The following TFEC variants were observed in gnomAD, a reference collection of about 807,000 sequenced individuals.
TFEC encodes the protein class E basic helix-loop-helix protein 34.
In TFEC, 31 loss-of-function variants were observed where a neutral mutation model predicts 41.6. The ratio of observed to expected loss-of-function variants is 0.74; its 90% CI spans 0.56 to 1.01. The LOEUF (loss-of-function observed/expected upper bound fraction) is 1.01, where lower values mean the gene tolerates loss of function less well. TFEC is among the 50% of genes least tolerant of loss of function. The pLI, the probability that TFEC is intolerant of heterozygous loss-of-function variation, is 0.00. For missense variants in TFEC, 402 were observed against 404.1 expected (o/e 0.99, Z 0.04); for synonymous variants, 143 against 140.6 (o/e 1.02, Z -0.12).
intron 1 of TFEC, among the ~76,000 whole-genome samples, chr7:116,127,317 T>A (rs1206520154): frequency 1.3e-5 from 2 of 152,100 alleles, no homozygotes; most frequent in Non-Finnish European, 2.9e-5. Context: ...TCTCCTGACC[T>A]CGTAATCCCC....
chr7:115,974,409 TA>T (rs1562903678), intron 2 of TFEC, among the ~76,000 whole-genome samples, 153 bp from the exon 3 acceptor site: 1 of 26,008 alleles, frequency 3.8e-5, no homozygotes, highest in South Asian at 9.8e-4. Flanking sequence ...CTCAATATTA[TA>T]TATATATATA....
chr7:115,962,730 A>G (rs1584595327), intron 3 of TFEC, among the ~76,000 whole-genome samples: 1 of 151,930 alleles, frequency 6.6e-6, no homozygotes, highest in East Asian at 1.9e-4. Flanking sequence ...AAAAATCTAT[A>G]AAACAACCCT....
chr7:116,103,574 A>T (rs1359045645), intron 3 of TFEC, among the ~76,000 whole-genome samples: 1 of 152,176 alleles, frequency 6.6e-6, no homozygotes, highest in African/African-American at 2.4e-5. Context: ...TATTAATATT[A>T]AAATGTAATG....
intron 3 of TFEC, among the ~76,000 whole-genome samples, chr7:116,074,808 A>C (rs781328509): frequency 7.2e-5 from 11 of 152,206 alleles, no homozygotes; most frequent in Non-Finnish European, 1.6e-4. Flanking sequence ...TCATACAAAA[A>C]CTTCTACACA....
At chr7:116,149,343 C>G (rs772780539) in intron 1 of TFEC, among the ~76,000 whole-genome samples, 2 of 151,964 alleles carry the variant, frequency 1.3e-5, no homozygotes, top group African/African-American at 2.4e-5. Flanking sequence ...CAAGTTTACA[C>G]CAATAAATTT....
At chr7:115,970,949 G>A (rs1197261893) in intron 3 of TFEC, among the ~76,000 whole-genome samples, 1 of 151,972 alleles carries the variant, frequency 6.6e-6, no homozygotes, top group East Asian at 1.9e-4. Context: ...TTCCTTTATG[G>A]AAATGTAAAA....
At chr7:115,988,277 G>T (rs1406727059) in intron 1 of TFEC, among the ~76,000 whole-genome samples, 1 of 151,904 alleles carries the variant, frequency 6.6e-6, no homozygotes, top group Non-Finnish European at 1.5e-5. Flanking sequence ...ATCAGACCAG[G>T]ATGAATTTTT....
intron 2 of TFEC, among the ~76,000 whole-genome samples, chr7:115,981,415 T>G (rs1339220779): frequency 2.0e-5 from 3 of 152,198 alleles, no homozygotes; most frequent in Middle Eastern, 3.4e-3. Flanking sequence ...CCACATTACT[T>G]AAAGTATCAC....
In TFEC at chr7:115,940,796, C is replaced by A. The variant is rs1562873421; in HGVS notation, c.799G>T (p.Val267Leu). 1.2e-6 allele frequency: 2 copies of A among 1,613,490 alleles called. No homozygotes were observed. Residue 267 changes from valine (V) to leucine (L), a missense_variant, in exon 8 of 8, where the codon GTG (valine) becomes TTG (leucine). Coordinates refer to ENST00000265440, the MANE Select transcript of TFEC (RefSeq NM_012252.4). ...NSVDYCQQLT[V>L]SQGPSPELCD... ...AGCTCAGGGCTTGGCCCCTGAGACACAGTCAGTTGTTGGCAATAGTCTACT... is the reference window on the plus strand; with the variant it reads ...AGCTCAGGGCTTGGCCCCTGAGACAAAGTCAGTTGTTGGCAATAGTCTACT...
chr7:116,016,536 C>T (rs185717598), intron 1 of TFEC, among the ~76,000 whole-genome samples: 2 of 152,224 alleles, frequency 1.3e-5, no homozygotes, highest in East Asian at 1.9e-4. Flanking sequence ...AGCACCTCCT[C>T]CTCCCTCTAT....
At chr7:115,982,458 G>C (rs1004843778) in intron 2 of TFEC, among the ~76,000 whole-genome samples, 21 of 152,264 alleles carry the variant, frequency 1.4e-4, no homozygotes, top group Admixed American at 1.2e-3. Flanking sequence ...CGACAACACA[G>C]GGTATATCCT....
At chr7:116,041,669 C>T (rs1796040271) in intron 3 of TFEC, among the ~76,000 whole-genome samples, 1 of 152,132 alleles carries the variant, frequency 6.6e-6, no homozygotes, top group Admixed American at 6.5e-5. Context: ...TTGCTAATCA[C>T]GTAGAAAACT....
At chr7:115,986,577 A>G (rs1185220199) in intron 1 of TFEC, among the ~76,000 whole-genome samples, 3 of 152,072 alleles carry the variant, frequency 2.0e-5, no homozygotes, top group Non-Finnish European at 4.4e-5. Context: ...CAGCTGTTGG[A>G]AGGAGAGATA....
At chr7:115,994,724 T>C (rs1486797602) in intron 1 of TFEC, among the ~76,000 whole-genome samples, 15 of 152,016 alleles carry the variant, frequency 9.9e-5, no homozygotes, top group Non-Finnish European at 1.6e-4. Flanking sequence ...TGTGGAGAAA[T>C]AGGAACACTT....
chr7:116,052,965 G>A (rs1024612062), intron 3 of TFEC, among the ~76,000 whole-genome samples: 4 of 151,870 alleles, frequency 2.6e-5, no homozygotes, highest in African/African-American at 7.2e-5. Flanking sequence ...CCAGCTACTC[G>A]GGAGGCTGAG....
chr7:116,155,363 A>G (rs765980424), intron 1 of TFEC, among the ~76,000 whole-genome samples: 1 of 152,202 alleles, frequency 6.6e-6, no homozygotes, highest in Non-Finnish European at 1.5e-5. Flanking sequence ...TCGAAGGACT[A>G]TTTTACAAAA....
intron 3 of TFEC, among the ~76,000 whole-genome samples, chr7:115,973,390 TA>T (rs1384302697): frequency 2.6e-5 from 4 of 152,032 alleles, no homozygotes; most frequent in Non-Finnish European, 5.9e-5. Context: ...TCACTTTTTT[TA>T]AATTAAATAT....
At chr7:116,115,724 G>T (rs922867109) in intron 1 of TFEC, among the ~76,000 whole-genome samples, 3 of 151,846 alleles carry the variant, frequency 2.0e-5, no homozygotes. Flanking sequence ...CATATCTGGG[G>T]GTTCATTATT....
chr7:116,146,893 G>A (rs891803923), intron 1 of TFEC, among the ~76,000 whole-genome samples: 1 of 152,080 alleles, frequency 6.6e-6, no homozygotes, highest in African/African-American at 2.4e-5. Context: ...AAATATTATG[G>A]GAGCTGACCA....
Sources: gnomAD v4.1 joint callset for allele counts (sites outside exome capture counted in the v4.1 genomes callset) on GRCh38, gnomAD v4.1.1 for gene constraint, MANE v1.5 for transcripts, NCBI Gene and HGNC (gene_info 2026-07-23, HGNC 2026-07-21) for gene names.